EPHX4: variants seen among roughly 807,000 people sequenced by gnomAD.
The protein encoded by EPHX4 is abhydrolase domain containing 7.
In EPHX4, 31 loss-of-function variants were observed where a neutral mutation model predicts 44.9. That is an observed-to-expected ratio of 0.69 (90% CI 0.52 to 0.93). The LOEUF is 0.93. Among genes scored for constraint, EPHX4 ranks in the 40% least tolerant of loss-of-function variants. The pLI is 0.00. For missense variants in EPHX4, 373 were observed against 438.1 expected (o/e 0.85, Z 1.33); for synonymous variants, 151 against 159.7 (o/e 0.95, Z 0.41).
At chr1:92,044,581 T>TA (rs1688556340) in intron 3 of EPHX4, among the ~76,000 whole-genome samples, 1 of 152,216 alleles carries the variant, frequency 6.6e-6, no homozygotes, top group Non-Finnish European at 1.5e-5. Flanking sequence ...TACTTTAAAT[T>TA]AACCGAGTGA....
At chr1:92,060,454 T>A (rs907898250) in intron 6 of EPHX4, among the ~76,000 whole-genome samples, 6 of 150,404 alleles carry the variant, frequency 4.0e-5, no homozygotes, top group African/African-American at 1.5e-4. Context: ...AAAAAAAAAA[T>A]AGTTTTTAAA....
At chr1:92,052,431 T>A (rs1647279423) in intron 5 of EPHX4, 79 bp from the exon 6 acceptor site, 3 of 1,363,318 alleles carry the variant, frequency 2.2e-6, no homozygotes, top group Non-Finnish European at 3.0e-6. Context: ...ATGACCACCA[T>A]CCCCTTTCCA....
chr1:92,049,681 C>T (rs147473995), intron 4 of EPHX4, among the ~76,000 whole-genome samples: 110 of 152,336 alleles, frequency 7.2e-4, no homozygotes, highest in African/African-American at 2.6e-3. Flanking sequence ...CCGAAAATTA[C>T]ATCACCATGT....
chr1:92,043,103 A>C, intron 3 of EPHX4, 123 bp downstream of exon 3: 1 of 809,574 alleles, frequency 1.2e-6, no homozygotes, highest in Non-Finnish European at 1.9e-6. Context: ...GGATCCTGTC[A>C]CTATGGTTTC....
Position 92,052,597 on chromosome 1 carries a change from T to C in EPHX4, c.796T>C (p.Tyr266His). 6.2e-7 allele frequency: 1 copy of C among 1,613,344 alleles called. No individual in the cohort carries two copies. The highest frequency in any genetic ancestry group is 2.2e-5 in the East Asian group (1 of 44,814). The part of the protein sequence containing the change: ...LTTEDLEAYI[Y>H]VFSQPGALSG... ...AACAGAGGATCTTGAAGCTTATATT[T>C]ATGTCTTTTCTCAGCCTGGAGCATT... Residue 266 changes from tyrosine to histidine, a missense_variant, in exon 6 of 7, where the codon TAT becomes CAT. Tyr to His is a moderately conservative substitution (Grantham distance 83). Coordinates refer to ENST00000370383, the MANE Select transcript of EPHX4 (RefSeq NM_173567.5).
In EPHX4 at chr1:92,042,936, T is replaced by C; in HGVS notation, c.431T>C (p.Leu144Ser). 6.2e-7 allele frequency: 1 copy of C among 1,612,824 alleles called. No homozygotes were observed. Among genetic ancestry groups the C allele is most frequent in the Non-Finnish European group, 8.5e-7 (1 of 1,179,178 alleles). ...CCCATTCATCGACAGAATTATAAATTGGATTGTCTAATTACAGATATAAAG... is the reference window on the plus strand; with the variant it reads ...CCCATTCATCGACAGAATTATAAATCGGATTGTCTAATTACAGATATAAAG... ...DAPIHRQNYK[L>S]DCLITDIKDI... Residue 144 changes from leucine to serine, a missense_variant, in exon 3 of 7, where the codon TTG becomes TCG. Leu to Ser is a moderately radical substitution (Grantham distance 145). Coordinates refer to ENST00000370383, the MANE Select transcript of EPHX4 (RefSeq NM_173567.5).
At chr1:92,040,078 T>C (rs954774326) in intron 2 of EPHX4, among the ~76,000 whole-genome samples, 3 of 152,158 alleles carry the variant, frequency 2.0e-5, no homozygotes, top group Non-Finnish European at 4.4e-5. Context: ...ATCATAAATA[T>C]CCTAGTGATA....
At chr1:92,062,328 G>A (rs1647516063) in intron 6 of EPHX4, among the ~76,000 whole-genome samples, 2 of 151,848 alleles carry the variant, frequency 1.3e-5, no homozygotes, top group Admixed American at 6.6e-5. Context: ...GCTCACGGCT[G>A]TAATCCCAGC....
At chr1:92,041,238 T>C (rs988062498) in intron 2 of EPHX4, among the ~76,000 whole-genome samples, 5 of 152,212 alleles carry the variant, frequency 3.3e-5, no homozygotes, top group African/African-American at 1.2e-4. Context: ...CCATTTTGGT[T>C]GTTAAATGTT....
intron 6 of EPHX4, among the ~76,000 whole-genome samples, chr1:92,058,832 GTAAGTAATACGTTTGTAGTACTCTC>G (rs1647428071): frequency 6.6e-6 from 1 of 152,160 alleles, no homozygotes; most frequent in African/African-American, 2.4e-5. Context: ...GTATTACAAA[GTAAGTAATACGTTTGTAGTACTCTC>G]CACAGTTGTA....
At chr1:92,037,210 CA>C (rs67867195) in intron 2 of EPHX4, among the ~76,000 whole-genome samples, 20,092 of 149,074 alleles carry the variant, frequency 0.13, 1,907 homozygotes, top group East Asian at 0.4. Flanking sequence ...ACAGTGAAAA[CA>C]AAAAAAAATG....
Position 92,052,359 on chromosome 1 carries a change from T to C in EPHX4, c.709-151T>C. 5.8e-6 allele frequency: 4 copies of C among 683,918 alleles called. No homozygotes were observed. In the South Asian group the frequency reaches 8.2e-5, roughly 14 times the overall value. 42.4% of individuals were successfully genotyped at this position (683,918 alleles called of 1,614,324 possible). On this transcript the variant is annotated intron_variant, in intron 5 of 6. Coordinates refer to ENST00000370383, the MANE Select transcript of EPHX4 (RefSeq NM_173567.5). The stretch of plus-strand genomic sequence containing the variant: ...GGAAAGCAGAAATGCATAGAATATA[T>C]ATGTATAAACAATGAGATCTCAAAC...
chr1:92,054,999 C>CACAAAAA (rs1647332325), intron 6 of EPHX4, among the ~76,000 whole-genome samples: 2 of 151,828 alleles, frequency 1.3e-5, no homozygotes, highest in African/African-American at 4.8e-5. Context: ...TATATATATG[C>CACAAAAA]TAATAATTTT....
chr1:92,030,265 C>T lies in EPHX4; in HGVS notation c.186C>T (p.Cys62=). 6.2e-7 allele frequency: 1 copy of T among 1,601,046 alleles called. No individual in the cohort carries two copies. Among genetic ancestry groups the T allele is most frequent in the East Asian group, 2.3e-5 (1 of 44,300 alleles). Residue 62 remains cysteine (C), a synonymous_variant, in exon 1 of 7, where the codon TGC becomes TGT. Coordinates refer to ENST00000370383, the MANE Select transcript of EPHX4 (RefSeq NM_173567.5). ...CCGCCCGGGAGCACCCTCCCGCGTGCCTGAGCGACCCCTCCTTGGGCACCC... is the reference window on the plus strand; with the variant it reads ...CCGCCCGGGAGCACCCTCCCGCGTGTCTGAGCGACCCCTCCTTGGGCACCC... The part of the protein sequence containing the change: ...RRPAREHPPA[C]LSDPSLGTHC...
chr1:92,057,968 T>C (rs911057201), intron 6 of EPHX4, among the ~76,000 whole-genome samples: 8 of 152,178 alleles, frequency 5.3e-5, no homozygotes, highest in African/African-American at 1.9e-4. Flanking sequence ...AAAAGGAAGA[T>C]ATGTTTCAGC....
chr1:92,040,342 A>AT (rs11316919), intron 2 of EPHX4, among the ~76,000 whole-genome samples: 3 of 121,060 alleles, frequency 2.5e-5, no homozygotes, highest in Admixed American at 8.4e-5. Flanking sequence ...TACTTAGCAA[A>AT]TTTTTTTTTT....
intron 6 of EPHX4, among the ~76,000 whole-genome samples, chr1:92,055,269 A>C (rs182148288): frequency 1.3e-5 from 2 of 152,322 alleles, no homozygotes; most frequent in East Asian, 3.9e-4. Context: ...GGATTTTTAA[A>C]AGAATCCATC....
In EPHX4 at chr1:92,030,146, C is replaced by T. The variant is rs775929905; in HGVS notation, c.67C>T (p.Leu23=). 1.2e-6 allele frequency: 2 copies of T among 1,612,900 alleles called. No homozygotes were observed. Among genetic ancestry groups the T allele is most frequent in the Non-Finnish European group, 1.7e-6 (2 of 1,179,482 alleles). Residue 23 remains leucine, a synonymous_variant, in exon 1 of 7, where the codon CTG becomes TTG. Transcript: ENST00000370383. ...GCTCCGGTCCCTGCTCTTCTGGTCC[C>T]TGGTCTACTGCTACTGCGGGCTCTG... ...LTLRSLLFWS[L]VYCYCGLCAS...
At position 92,045,594 on chromosome 1, in the gene EPHX4, A is replaced by T; in HGVS notation, c.538A>T (p.Ile180Phe). The T allele has an allele frequency of 6.2e-7, 1 of 1,614,060 alleles. No homozygotes were observed. The highest frequency in any genetic ancestry group is 8.5e-7 in the Non-Finnish European group (1 of 1,179,948). Residue 180 changes from isoleucine to phenylalanine, a missense_variant, in exon 4 of 7, where the codon ATC becomes TTC. Physicochemically the swap from Ile to Phe is conservative, Grantham distance 21. Coordinates refer to ENST00000370383, the MANE Select transcript of EPHX4 (RefSeq NM_173567.5). ...WGGMIAWLIA[I>F]CYPEMVMKLI... ...GGGCATGATTGCTTGGCTAATTGCC[A>T]TCTGTTATCCTGAAATGGTGATGAA...
Sources: gnomAD v4.1 joint callset for allele counts (sites outside exome capture counted in the v4.1 genomes callset) on GRCh38, gnomAD v4.1.1 for gene constraint, MANE v1.5 for transcripts, NCBI Gene and HGNC (gene_info 2026-07-23, HGNC 2026-07-21) for gene names.